The following GTF2IRD1 variants were observed in gnomAD, a reference collection of about 807,000 sequenced individuals.
The protein encoded by GTF2IRD1 is GTF2I repeat domain containing 1.
A neutral mutation model predicts 113.2 loss-of-function variants in GTF2IRD1; 26 were observed. The ratio of observed to expected loss-of-function variants is 0.23; its 90% CI spans 0.17 to 0.32. The LOEUF (loss-of-function observed/expected upper bound fraction) is 0.32. Ranked by LOEUF, GTF2IRD1 falls within the 10% of genes least tolerant of loss-of-function variation. The pLI is 1.00. For missense variants in GTF2IRD1, 864 were observed against 1,280.8 expected (o/e 0.67, Z 4.97); for synonymous variants, 484 against 529.1 (o/e 0.91, Z 1.17).
chr7:74,602,119 A>G lies in GTF2IRD1; in HGVS notation c.2767-246A>G, dbSNP rs587744218. 4.0e-5 allele frequency: 13 copies of G among 325,246 alleles called. No individual in the cohort carries two copies. In the Admixed American group the frequency reaches 5.1e-4, roughly 13 times the overall value. 20.1% of individuals were successfully genotyped at this position (325,246 alleles called of 1,614,324 possible). A position where few individuals can be genotyped will look rare whatever the true frequency, so the allele number is the denominator to read the frequency against. On this transcript the variant is annotated intron_variant, in intron 26 of 26. Coordinates refer to ENST00000424337, the MANE Select transcript of GTF2IRD1 (RefSeq NM_005685.4). The stretch of plus-strand genomic sequence containing the variant: ...TAGCCGGGCATGGTGGCGGGCGCCT[A>G]TAATCCCAGCTACTCGGGAGGCTGA...
chr7:74,534,966 C>G (rs1255819037), intron 9 of GTF2IRD1, 147 bp from the exon 10 acceptor site: 6 of 697,204 alleles, frequency 8.6e-6, no homozygotes, highest in African/African-American at 7.0e-5. Flanking sequence ...CCCTCTCCTG[C>G]CTGCATGTCT....
chr7:74,589,567 C>T (rs782048595), intron 22 of GTF2IRD1, among the ~76,000 whole-genome samples: 31 of 152,048 alleles, frequency 2.0e-4, no homozygotes, highest in Admixed American at 1.4e-3. Flanking sequence ...CATGGTGGCA[C>T]GTGCCTGTGA....
intron 1 of GTF2IRD1, among the ~76,000 whole-genome samples, chr7:74,497,636 C>G (rs1186841687): frequency 6.6e-6 from 1 of 152,152 alleles, no homozygotes; most frequent in African/African-American, 2.4e-5. Context: ...CTACCAGCAG[C>G]ACACAGGGTT....
intron 2 of GTF2IRD1, among the ~76,000 whole-genome samples, chr7:74,509,399 G>A (rs1796491529): frequency 6.6e-6 from 1 of 151,344 alleles, no homozygotes; most frequent in Non-Finnish European, 1.5e-5. Context: ...CTGGCATGGT[G>A]GCACATTCCT....
At position 74,459,598 on chromosome 7, in the gene GTF2IRD1, A is replaced by G. The variant is rs115668590; in HGVS notation, c.-7+5422A>G. Reference sequence around the variant, plus strand: ...CCCTGAGCTGGGGCCTGGCTGACCCAGAGCTATTTGTGTGCCCACCTGTCA... The same window carrying G: ...CCCTGAGCTGGGGCCTGGCTGACCCGGAGCTATTTGTGTGCCCACCTGTCA... On this transcript the variant is annotated intron_variant, in intron 1 of 26. Transcript: ENST00000424337. 3.4e-3 allele frequency among the ~76,000 whole-genome samples: 518 copies of G among 152,282 alleles called. 1 individual carries two copies. The highest frequency in any genetic ancestry group is 0.012 in the African/African-American group (486 of 41,562).
intron 22 of GTF2IRD1, among the ~76,000 whole-genome samples, chr7:74,576,030 G>A (rs1801035576): frequency 6.6e-6 from 1 of 151,830 alleles, no homozygotes; most frequent in South Asian, 2.1e-4. Flanking sequence ...TGCACGTAGT[G>A]CACACCTGTG....
intron 1 of GTF2IRD1, among the ~76,000 whole-genome samples, chr7:74,455,969 G>A (rs1792946065): frequency 1.3e-5 from 2 of 152,202 alleles, no homozygotes; most frequent in South Asian, 2.1e-4. Flanking sequence ...TTTGTAGGGG[G>A]CACGCTAAAC....
At position 74,519,735 on chromosome 7, in the gene GTF2IRD1, G is replaced by A. The variant is rs781922848; in HGVS notation, c.916+16G>A. ...GACTGTTGTGGTAACATTGCTGCTG[G>A]GATCTCCAAGTCTAGGGGGTGGGAC... On this transcript the variant is annotated intron_variant, in intron 6 of 26. Coordinates refer to ENST00000424337, the MANE Select transcript of GTF2IRD1 (RefSeq NM_005685.4). The A allele has an allele frequency of 6.5e-7, 1 of 1,531,234 alleles. No individual in the cohort carries two copies. Among genetic ancestry groups the A allele is most frequent in the Admixed American group, 1.9e-5 (1 of 51,828 alleles). The allele number at this position is 1,531,234 out of a possible 1,614,324, so 94.9% of individuals were successfully genotyped here. A position where few individuals can be genotyped will look rare whatever the true frequency, so the allele number is the denominator to read the frequency against.
At chr7:74,498,728 C>CT (rs1554338686) in intron 1 of GTF2IRD1, among the ~76,000 whole-genome samples, 1,656 of 144,322 alleles carry the variant, frequency 0.011, 34 homozygotes, top group African/African-American at 0.038. Flanking sequence ...TCCTGTAGTT[C>CT]TTTTTTTTTT....
chr7:74,582,946 C>G (rs1332709758), intron 22 of GTF2IRD1, among the ~76,000 whole-genome samples: 1 of 151,950 alleles, frequency 6.6e-6, no homozygotes, highest in Non-Finnish European at 1.5e-5. Flanking sequence ...CTACTGCACT[C>G]CAGCCTGAAT....
At chr7:74,500,501 G>A (rs1795974373) in intron 1 of GTF2IRD1, among the ~76,000 whole-genome samples, 1 of 151,520 alleles carries the variant, frequency 6.6e-6, no homozygotes, top group African/African-American at 2.4e-5. Flanking sequence ...TGTTTTTTTG[G>A]TTCAACCCCA....
At chr7:74,472,545 G>A (rs1038128514) in intron 1 of GTF2IRD1, among the ~76,000 whole-genome samples, 2 of 152,128 alleles carry the variant, frequency 1.3e-5, no homozygotes, top group Admixed American at 6.5e-5. Flanking sequence ...TCGGGAGTTC[G>A]AGAGCAGCCT....
Position 74,540,297 on chromosome 7 carries a change from C to A in GTF2IRD1, c.1618+329C>A, listed in dbSNP as rs587655253. 8.5e-5 allele frequency among the ~76,000 whole-genome samples: 13 copies of A among 152,192 alleles called. No homozygotes were observed. In the East Asian group the frequency reaches 2.5e-3, roughly 29 times the overall value. On this transcript the variant is annotated intron_variant, in intron 14 of 26. Transcript: ENST00000424337. ...GAGTAGCTGGAATTACAGGCATGTG[C>A]CACCATGCCTAGCTAATTTTGTATT...
At chr7:74,544,289 G>A (rs1268516232) in intron 14 of GTF2IRD1, among the ~76,000 whole-genome samples, 3 of 152,150 alleles carry the variant, frequency 2.0e-5, no homozygotes, top group Non-Finnish European at 1.5e-5. Context: ...AGGTTCAGGC[G>A]ATTCTCCTGC....
intron 8 of GTF2IRD1, among the ~76,000 whole-genome samples, chr7:74,525,476 G>A (rs897652081): frequency 6.6e-6 from 1 of 152,202 alleles, no homozygotes; most frequent in African/African-American, 2.4e-5. Context: ...CAAGTGGTAG[G>A]CGCTGTGGCT....
chr7:74,462,628 C>A (rs1554329644), intron 1 of GTF2IRD1, among the ~76,000 whole-genome samples: 1 of 152,152 alleles, frequency 6.6e-6, no homozygotes, highest in Admixed American at 6.6e-5. Context: ...AGCTCGGGAC[C>A]CCCCAGAAGA....
In GTF2IRD1 at chr7:74,540,205, G is replaced by A. The variant is rs1798552821; in HGVS notation, c.1618+237G>A. Among the ~76,000 whole-genome samples the A allele has an allele frequency of 2.0e-5, 3 of 152,188 alleles. No individual in the cohort carries two copies. The South Asian group carries it at 6.2e-4, about 32-fold the overall frequency. On this transcript the variant is annotated intron_variant, in intron 14 of 26. Transcript: ENST00000424337. ...CTTGTTGCCCAGGCTGGAGTGCAGT[G>A]GCACGATCTCGGCTCACCGCAACCT...
At chr7:74,473,208 C>G (rs1442795335) in intron 1 of GTF2IRD1, among the ~76,000 whole-genome samples, 2 of 152,142 alleles carry the variant, frequency 1.3e-5, no homozygotes, top group Non-Finnish European at 2.9e-5. Flanking sequence ...GGGATGACAA[C>G]CAGAAGAGCT....
intron 1 of GTF2IRD1, among the ~76,000 whole-genome samples, chr7:74,457,815 A>T (rs1312101570): frequency 6.6e-6 from 1 of 151,816 alleles, no homozygotes; most frequent in Non-Finnish European, 1.5e-5. Flanking sequence ...TGCAGGGCCA[A>T]TTTATAAACA....
Sources: gnomAD v4.1 joint callset for allele counts (sites outside exome capture counted in the v4.1 genomes callset) on GRCh38, gnomAD v4.1.1 for gene constraint, MANE v1.5 for transcripts, NCBI Gene and HGNC (gene_info 2026-07-23, HGNC 2026-07-21) for gene names.